The following SPOCK1 variants were observed in gnomAD, a reference collection of about 807,000 sequenced individuals.
SPOCK1 encodes the protein SPARC (osteonectin), cwcv and kazal like domains proteoglycan 1, also known as testican-1.
A neutral mutation model predicts 55.3 loss-of-function variants in SPOCK1; 23 were observed. That is an observed-to-expected ratio of 0.42 (90% CI 0.30 to 0.59). SPOCK1 has a LOEUF of 0.59. Among genes scored for constraint, SPOCK1 ranks in the 20% least tolerant of loss-of-function variants. The pLI, the probability that SPOCK1 is intolerant of heterozygous loss-of-function variation, is 0.22. For missense variants in SPOCK1, 499 were observed against 552.5 expected (o/e 0.90, Z 0.97); for synonymous variants, 226 against 221.0 (o/e 1.02, Z -0.20).
At chr5:137,073,119 C>T (rs146966679) in intron 5 of SPOCK1, among the ~76,000 whole-genome samples, 1 of 152,210 alleles carries the variant, frequency 6.6e-6, no homozygotes, top group Non-Finnish European at 1.5e-5. Context: ...TATTGAACAT[C>T]CATAAATACA....
intron 4 of SPOCK1, among the ~76,000 whole-genome samples, chr5:137,131,989 A>AAAAAAAAAAAT (rs1391176339): frequency 2.8e-4 from 10 of 36,056 alleles, no homozygotes; most frequent in East Asian, 1.5e-3. Flanking sequence ...AAAAAAAAAA[A>AAAAAAAAAAAT]ATATATATAT....
intron 6 of SPOCK1, among the ~76,000 whole-genome samples, chr5:137,063,291 C>T (rs1308732177): frequency 6.6e-6 from 1 of 151,384 alleles, no homozygotes; most frequent in Admixed American, 6.6e-5. Flanking sequence ...AAAGATGGTC[C>T]CACCTTCCAC....
At chr5:137,296,752 T>C (rs943567476) in intron 2 of SPOCK1, among the ~76,000 whole-genome samples, 1 of 152,144 alleles carries the variant, frequency 6.6e-6, no homozygotes, top group African/African-American at 2.4e-5. Flanking sequence ...GGTTAAAAGG[T>C]ACATTCAATG....
intron 3 of SPOCK1, among the ~76,000 whole-genome samples, chr5:137,235,940 G>T (rs1436088530): frequency 2.0e-5 from 3 of 152,210 alleles, no homozygotes; most frequent in Non-Finnish European, 4.4e-5. Flanking sequence ...CCGGATAAAT[G>T]AAACTATGCT....
At chr5:137,263,970 T>C (rs1290723141) in intron 3 of SPOCK1, among the ~76,000 whole-genome samples, 1 of 152,210 alleles carries the variant, frequency 6.6e-6, no homozygotes, top group Non-Finnish European at 1.5e-5. Flanking sequence ...GCCCTGTTGT[T>C]CAAAGTTCAG....
At chr5:137,260,933 A>G (rs1756733099) in intron 3 of SPOCK1, among the ~76,000 whole-genome samples, 1 of 152,178 alleles carries the variant, frequency 6.6e-6, no homozygotes, top group South Asian at 2.1e-4. Flanking sequence ...GAATAAGATG[A>G]GTAGTTGCTG....
chr5:137,029,707 C>T (rs955642804), intron 6 of SPOCK1, among the ~76,000 whole-genome samples: 4 of 152,216 alleles, frequency 2.6e-5, no homozygotes, highest in Non-Finnish European at 4.4e-5. Context: ...AGAAAGGGTA[C>T]TAGAGGGCTA....
chr5:137,057,466 T>C (rs945957383), intron 6 of SPOCK1, among the ~76,000 whole-genome samples: 5 of 152,206 alleles, frequency 3.3e-5, no homozygotes, highest in African/African-American at 1.2e-4. Flanking sequence ...AGTTAAATTA[T>C]CAAAGTGACA....
intron 6 of SPOCK1, among the ~76,000 whole-genome samples, chr5:137,052,366 G>A (rs1561591794): frequency 6.6e-6 from 1 of 152,136 alleles, no homozygotes; most frequent in South Asian, 2.1e-4. Context: ...CCCACAAAGT[G>A]GAAAAATTCT....
At chr5:137,206,636 G>C (rs955496906) in intron 3 of SPOCK1, among the ~76,000 whole-genome samples, 6 of 152,198 alleles carry the variant, frequency 3.9e-5, no homozygotes, top group African/African-American at 1.4e-4. Context: ...GGTATCAGTA[G>C]ATGTATTTAG....
intron 3 of SPOCK1, among the ~76,000 whole-genome samples, chr5:137,254,246 A>T (rs1219039720): frequency 6.6e-6 from 1 of 152,198 alleles, no homozygotes; most frequent in Non-Finnish European, 1.5e-5. Flanking sequence ...CCGCAAAGAG[A>T]TGTGGCTTAA....
chr5:137,243,726 C>T lies in SPOCK1; in HGVS notation c.232+23284G>A, dbSNP rs977440337. On this transcript the variant is annotated intron_variant, in intron 3 of 10. Transcript: ENST00000394945. ...AATTTTCTGCTTGCATAAATATCTG[C>T]TAAATCCCTTATTATGACTGAACAT... Among the ~76,000 whole-genome samples, 4 of 152,140 alleles carry T rather than the reference C, an allele frequency of 2.6e-5. 1 individual carries two copies. In the South Asian group the frequency reaches 8.3e-4, roughly 32 times the overall value.
chr5:137,426,738 A>G lies in SPOCK1; in HGVS notation c.186+71635T>C, dbSNP rs76780382. On this transcript the variant is annotated intron_variant, in intron 2 of 10. Transcript: ENST00000394945. ...GAAGTGCCACCCAGTTATTTCTGGG[A>G]GTCCCCAGAAGCAAAAACAAGAGTT... 6.6e-3 allele frequency among the ~76,000 whole-genome samples: 1,004 copies of G among 152,272 alleles called. 16 individuals carry two copies. Among genetic ancestry groups the G allele is most frequent in the African/African-American group, 0.023 (970 of 41,536 alleles).
intron 2 of SPOCK1, among the ~76,000 whole-genome samples, chr5:137,291,742 T>A (rs1431854715): frequency 6.6e-6 from 1 of 152,156 alleles, no homozygotes; most frequent in Non-Finnish European, 1.5e-5. Flanking sequence ...GTTTTATCTG[T>A]CCCACAGGCT....
At chr5:137,013,179 A>G (rs1034988090) in intron 6 of SPOCK1, among the ~76,000 whole-genome samples, 1 of 152,178 alleles carries the variant, frequency 6.6e-6, no homozygotes, top group Non-Finnish European at 1.5e-5. Flanking sequence ...CTAATTTTCT[A>G]CAATTAACAT....
At position 137,147,822 on chromosome 5, in the gene SPOCK1, C is replaced by G. The variant is rs181586543; in HGVS notation, c.233-7128G>C. ...TTAATAACATAATACATTTTTTAAA[C>G]ATCATGCAACTATTTTACAGAAACT... On this transcript the variant is annotated intron_variant, in intron 3 of 10. Transcript: ENST00000394945. 8.5e-5 allele frequency among the ~76,000 whole-genome samples: 13 copies of G among 152,304 alleles called. No homozygotes were observed. In the East Asian group the frequency reaches 2.5e-3, roughly 29 times the overall value.
intron 5 of SPOCK1, among the ~76,000 whole-genome samples, chr5:137,088,071 G>T (rs567713695): frequency 1.3e-5 from 2 of 152,320 alleles, no homozygotes; most frequent in South Asian, 4.1e-4. Flanking sequence ...GATTCCATGT[G>T]TGTGAAGATT....
At chr5:137,376,409 A>G (rs934369336) in intron 2 of SPOCK1, among the ~76,000 whole-genome samples, 8 of 152,344 alleles carry the variant, frequency 5.3e-5, no homozygotes, top group East Asian at 1.9e-4. Flanking sequence ...CTCAGTGTCA[A>G]TGTGAGTGGT....
At chr5:137,418,556 T>G (rs1752402921) in intron 2 of SPOCK1, among the ~76,000 whole-genome samples, 1 of 152,256 alleles carries the variant, frequency 6.6e-6, no homozygotes, top group Non-Finnish European at 1.5e-5. Flanking sequence ...TGATGGCCAC[T>G]GATGATGAGC....
Sources: gnomAD v4.1 joint callset for allele counts (sites outside exome capture counted in the v4.1 genomes callset) on GRCh38, gnomAD v4.1.1 for gene constraint, MANE v1.5 for transcripts, NCBI Gene and HGNC (gene_info 2026-07-23, HGNC 2026-07-21) for gene names.